Variants in ROBO1 observed in about 807,000 individuals in gnomAD.
ROBO1 encodes roundabout homolog 1.
In ROBO1, 149 loss-of-function variants were observed where a neutral mutation model predicts 195.9. That is an observed-to-expected ratio of 0.76 (90% CI 0.67 to 0.87). ROBO1 has a LOEUF of 0.87. Among genes scored for constraint, ROBO1 ranks in the 40% least tolerant of loss-of-function variants. The pLI is 0.00. For missense variants in ROBO1, 1,933 were observed against 2,068.3 expected, an observed-to-expected ratio of 0.93 and a Z score of 1.27; for synonymous variants, 816 against 733.2, an observed-to-expected ratio of 1.11 and a Z score of -1.82.
At chr3:78,745,182 C>A (rs536127075) in intron 5 of ROBO1, among the ~76,000 whole-genome samples, 3 of 152,008 alleles carry the variant, frequency 2.0e-5, no homozygotes, top group Admixed American at 2.0e-4. Context: ...GTGGTGCATG[C>A]CTGTAATCCC....
chr3:78,941,391 T>C (rs1214442087), intron 3 of ROBO1, among the ~76,000 whole-genome samples: 1 of 152,232 alleles, frequency 6.6e-6, no homozygotes, highest in Non-Finnish European at 1.5e-5. Flanking sequence ...GCTATACAAC[T>C]TCAGAAGATT....
chr3:78,606,205 A>T (rs1703449788), intron 29 of ROBO1, among the ~76,000 whole-genome samples: 1 of 152,036 alleles, frequency 6.6e-6, no homozygotes, highest in Admixed American at 6.6e-5. Context: ...TTCTAGTTTT[A>T]TTTTTCACCC....
Position 78,597,530 on chromosome 3 carries a change from A to G in ROBO1, c.*1383T>C, listed in dbSNP as rs1016381825. Reference sequence around the variant, plus strand: ...AGACCTGATACTTATCTATCTATGAATAAATGTACATTTTTTTCTTCAAAT... The same window carrying G: ...AGACCTGATACTTATCTATCTATGAGTAAATGTACATTTTTTTCTTCAAAT... On this transcript the variant is annotated 3_prime_UTR_variant, in exon 31 of 31. Transcript: ENST00000464233. 1 of 152,516 alleles carries G rather than the reference A, an allele frequency of 6.6e-6. No individual in the cohort carries two copies. The highest frequency in any genetic ancestry group is 2.4e-5 in the African/African-American group (1 of 41,398). The allele number at this position is 152,516 out of a possible 1,614,324, so 9.4% of individuals were successfully genotyped here.
At chr3:78,685,520 T>C (rs576480692) in intron 10 of ROBO1, among the ~76,000 whole-genome samples, 9 of 152,318 alleles carry the variant, frequency 5.9e-5, no homozygotes, top group African/African-American at 2.2e-4. Context: ...AACTTCTCCT[T>C]AGATAATTGC....
chr3:79,418,926 C>A (rs918869897), intron 2 of ROBO1, among the ~76,000 whole-genome samples: 3 of 152,092 alleles, frequency 2.0e-5, no homozygotes, highest in African/African-American at 7.2e-5. Context: ...TCAAGTGGAA[C>A]TCAAAGTCCC....
At chr3:78,686,519 C>T (rs1337165086) in intron 9 of ROBO1, among the ~76,000 whole-genome samples, 1 of 149,148 alleles carries the variant, frequency 6.7e-6, no homozygotes, top group Non-Finnish European at 1.5e-5. Context: ...CATGCCACTG[C>T]ACTCCAGCCT....
chr3:79,040,785 T>C (rs1227706636), intron 3 of ROBO1, among the ~76,000 whole-genome samples: 1 of 152,202 alleles, frequency 6.6e-6, no homozygotes, highest in Admixed American at 6.5e-5. Flanking sequence ...ATCACCTGAA[T>C]CAGTTATCTT....
chr3:79,450,554 G>A (rs879333997), intron 2 of ROBO1, among the ~76,000 whole-genome samples: 19 of 151,872 alleles, frequency 1.3e-4, no homozygotes, highest in Admixed American at 9.8e-4. Flanking sequence ...AGAATTCATC[G>A]GTGAATTAAT....
chr3:79,254,796 T>A (rs2082798739), intron 2 of ROBO1, among the ~76,000 whole-genome samples: 1 of 152,190 alleles, frequency 6.6e-6, no homozygotes, highest in African/African-American at 2.4e-5. Flanking sequence ...AAGTTCATAG[T>A]AACCAAGACT....
At chr3:79,430,283 C>T (rs564345750) in intron 2 of ROBO1, among the ~76,000 whole-genome samples, 4 of 152,036 alleles carry the variant, frequency 2.6e-5, no homozygotes, top group Non-Finnish European at 5.9e-5. Context: ...AAAAATAATA[C>T]TTTACTCTGC....
intron 5 of ROBO1, among the ~76,000 whole-genome samples, chr3:78,729,238 G>A (rs547015046): frequency 2.9e-4 from 44 of 152,226 alleles, no homozygotes; most frequent in Non-Finnish European, 5.4e-4. Context: ...ACATCAGGAA[G>A]AGCTGTGTTG....
rs184921687 is a variant in ROBO1, at chr3:79,471,100, A to G, written c.88+118724T>C. On this transcript the variant is annotated intron_variant, in intron 2 of 30. Transcript: ENST00000464233. ...ATGGTGCTGGGAAAGCTGGATACCCATAGGCAGAAGAAGGAAACTGCACCC... is the reference window on the plus strand; with the variant it reads ...ATGGTGCTGGGAAAGCTGGATACCCGTAGGCAGAAGAAGGAAACTGCACCC... 3.0e-3 allele frequency among the ~76,000 whole-genome samples: 454 copies of G among 152,268 alleles called. 2 individuals are homozygous for G. The highest frequency in any genetic ancestry group is 9.6e-3 in the African/African-American group (397 of 41,558).
intron 4 of ROBO1, among the ~76,000 whole-genome samples, chr3:78,896,895 C>A (rs2037271431): frequency 6.6e-6 from 1 of 152,014 alleles, no homozygotes; most frequent in African/African-American, 2.4e-5. Flanking sequence ...CTGCATACAC[C>A]ACTAATCCTA....
At chr3:79,577,715 AAAACACACACACACACACACAC>A (rs1220069406) in intron 2 of ROBO1, among the ~76,000 whole-genome samples, 1 of 125,008 alleles carries the variant, frequency 8.0e-6, no homozygotes, top group African/African-American at 3.6e-5. Context: ...GTCTTTACTA[AAAACACACACACACACACACAC>A]ACACACACAC....
chr3:78,702,686 C>T (rs1263560432), intron 8 of ROBO1, among the ~76,000 whole-genome samples: 2 of 152,172 alleles, frequency 1.3e-5, no homozygotes, highest in Middle Eastern at 3.2e-3. Context: ...CATTTTTCCA[C>T]ATTGATGCCA....
At chr3:78,874,583 A>G (rs2035731000) in intron 4 of ROBO1, among the ~76,000 whole-genome samples, 1 of 151,904 alleles carries the variant, frequency 6.6e-6, no homozygotes, top group South Asian at 2.1e-4. Flanking sequence ...ACTTTATGTC[A>G]TACACTTTCA....
intron 2 of ROBO1, among the ~76,000 whole-genome samples, chr3:79,528,654 A>T (rs1941532108): frequency 6.6e-6 from 1 of 152,198 alleles, no homozygotes. Flanking sequence ...TGTTGAAATA[A>T]ACAGACTGTG....
At chr3:79,318,489 T>C (rs2033836417) in intron 2 of ROBO1, among the ~76,000 whole-genome samples, 1 of 152,202 alleles carries the variant, frequency 6.6e-6, no homozygotes, top group South Asian at 2.1e-4. Flanking sequence ...CTCAGGAAAG[T>C]ACAGCATTCA....
At chr3:79,626,628 T>C (rs1191833603) in intron 1 of ROBO1, among the ~76,000 whole-genome samples, 3 of 152,088 alleles carry the variant, frequency 2.0e-5, no homozygotes, top group Non-Finnish European at 4.4e-5. Context: ...CTATTCAACA[T>C]AGTATTGGAA....
Sources: gnomAD v4.1 joint callset for allele counts (sites outside exome capture counted in the v4.1 genomes callset) on GRCh38, gnomAD v4.1.1 for gene constraint, MANE v1.5 for transcripts, NCBI Gene and HGNC (gene_info 2026-07-23, HGNC 2026-07-21) for gene names.